The following NCMAP variants were observed in gnomAD, a reference collection of about 807,000 sequenced individuals.
NCMAP encodes noncompact myelin-associated protein.
Under a neutral mutation model 7.8 loss-of-function variants are expected in NCMAP, and 8 were observed. The ratio of observed to expected loss-of-function variants is 1.02; its 90% CI spans 0.60 to 1.84. The LOEUF (loss-of-function observed/expected upper bound fraction) is 1.84, where lower values mean the gene tolerates loss of function less well. Among genes scored for constraint, NCMAP ranks in the 40% most tolerant of loss-of-function variants. NCMAP has a pLI of 0.00. For synonymous variants in NCMAP, 41 were observed against 52.9 expected, an observed-to-expected ratio of 0.78 and a Z score of 0.98; for missense variants, 112 against 131.4, an observed-to-expected ratio of 0.85 and a Z score of 0.72.
rs189293352 is a variant in NCMAP, at chr1:24,559,900, G to A, written c.-8+3731G>A. 2.2e-3 allele frequency among the ~76,000 whole-genome samples: 342 copies of A among 152,334 alleles called. 1 individual carries two copies. Among genetic ancestry groups the A allele is most frequent in the Non-Finnish European group, 3.7e-3 (249 of 68,034 alleles). ...TTTGTGGCCGGGCGCGGTGGCTCAC[G>A]CCTGTAATCCCAGCACTTTGGGAGG... On this transcript the variant is annotated intron_variant, in intron 1 of 3. Coordinates refer to ENST00000374392, the MANE Select transcript of NCMAP (RefSeq NM_001010980.5).
At chr1:24,577,188 A>C (rs537897396) in intron 1 of NCMAP, among the ~76,000 whole-genome samples, 5 of 152,114 alleles carry the variant, frequency 3.3e-5, no homozygotes, top group Non-Finnish European at 5.9e-5. Context: ...CACATGCTAA[A>C]ATTATAGAGC....
rs548105420 is a variant in NCMAP, at chr1:24,600,006, T to TA, written c.83-932dup. 3.8e-4 allele frequency among the ~76,000 whole-genome samples: 57 copies of TA among 151,794 alleles called. 1 individual carries two copies. In the East Asian group the frequency reaches 8.1e-3, roughly 22 times the overall value. On this transcript the variant is annotated intron_variant, in intron 2 of 3. Transcript: ENST00000374392. ...AAAAACTATAACGGGTATTTTTTTT[T>TA]AATTTTTTATACAGAGATAGAGTCT...
chr1:24,596,008 G>C (rs1386404746), intron 2 of NCMAP, among the ~76,000 whole-genome samples: 1 of 152,106 alleles, frequency 6.6e-6, no homozygotes, highest in East Asian at 1.9e-4. Context: ...TTGGCTGGGT[G>C]TGGTGGCTCA....
At chr1:24,597,602 AAAGAAAGAAAGAAAG>A (rs1396894470) in intron 2 of NCMAP, among the ~76,000 whole-genome samples, 1,141 of 99,590 alleles carry the variant, frequency 0.011, 78 homozygotes, top group African/African-American at 0.05. Context: ...AAGAAGAAAG[AAAGAAAGAAAGAAAG>A]AGAAAGAAAG....
intron 1 of NCMAP, among the ~76,000 whole-genome samples, chr1:24,577,012 C>T (rs1651582514): frequency 6.6e-6 from 1 of 152,096 alleles, no homozygotes; most frequent in African/African-American, 2.4e-5. Context: ...GTGGTGCATG[C>T]CTGTGATCCC....
intron 1 of NCMAP, among the ~76,000 whole-genome samples, chr1:24,592,271 GC>G (rs2148934590): frequency 6.6e-6 from 1 of 152,232 alleles, no homozygotes; most frequent in African/African-American, 2.4e-5. Context: ...TGTTTTTTGA[GC>G]CCCAGAATCA....
At chr1:24,579,311 T>C (rs1311428301) in intron 1 of NCMAP, among the ~76,000 whole-genome samples, 1 of 152,260 alleles carries the variant, frequency 6.6e-6, no homozygotes. Flanking sequence ...TTTCTTCTTC[T>C]CTGTGCATTG....
intron 1 of NCMAP, among the ~76,000 whole-genome samples, chr1:24,567,343 A>G (rs1651258541): frequency 6.6e-6 from 1 of 152,124 alleles, no homozygotes; most frequent in Admixed American, 6.5e-5. Flanking sequence ...TAACTAAGGT[A>G]CCTATGAGAT....
chr1:24,591,590 G>A (rs944905848), intron 1 of NCMAP, among the ~76,000 whole-genome samples: 3 of 152,184 alleles, frequency 2.0e-5, no homozygotes, highest in African/African-American at 7.2e-5. Context: ...TGAAGGCTAC[G>A]CTCTTTTTCT....
intron 1 of NCMAP, among the ~76,000 whole-genome samples, chr1:24,577,960 G>A (rs1305686775): frequency 6.6e-6 from 1 of 151,946 alleles, no homozygotes; most frequent in Non-Finnish European, 1.5e-5. Flanking sequence ...TAGAAAAGAG[G>A]TCTAAAAAAT....
intron 1 of NCMAP, among the ~76,000 whole-genome samples, chr1:24,567,446 C>A (rs975353484): frequency 1.3e-5 from 2 of 152,168 alleles, no homozygotes; most frequent in African/African-American, 4.8e-5. Context: ...ACATTATCAG[C>A]ACCCACTAGG....
chr1:24,565,426 G>A (rs2148925931), intron 1 of NCMAP, among the ~76,000 whole-genome samples: 1 of 152,242 alleles, frequency 6.6e-6, no homozygotes, highest in South Asian at 2.1e-4. Context: ...TCAACAAGGA[G>A]AGAGTGAGTC....
intron 3 of NCMAP, among the ~76,000 whole-genome samples, chr1:24,603,172 C>T (rs909253080): frequency 1.3e-5 from 2 of 152,154 alleles, no homozygotes; most frequent in African/African-American, 4.8e-5. Context: ...TAATCCTCAT[C>T]TAACAACCGC....
intron 1 of NCMAP, among the ~76,000 whole-genome samples, chr1:24,573,281 G>A (rs572838715): frequency 1.3e-5 from 2 of 150,922 alleles, no homozygotes; most frequent in South Asian, 2.1e-4. Flanking sequence ...TGTCTATGAT[G>A]GTTAATTTTA....
chr1:24,571,728 G>A (rs1651394746), intron 1 of NCMAP, among the ~76,000 whole-genome samples: 1 of 149,850 alleles, frequency 6.7e-6, no homozygotes, highest in South Asian at 2.1e-4. Flanking sequence ...TGGGATTACA[G>A]GTGTGCGCCA....
At chr1:24,585,273 G>A (rs1013019196) in intron 1 of NCMAP, among the ~76,000 whole-genome samples, 1 of 152,128 alleles carries the variant, frequency 6.6e-6, no homozygotes, top group Non-Finnish European at 1.5e-5. Context: ...CGGCTCGGGT[G>A]ACTATGTACC....
intron 1 of NCMAP, among the ~76,000 whole-genome samples, chr1:24,583,263 C>T (rs1382203588): frequency 2.0e-5 from 3 of 152,200 alleles, no homozygotes; most frequent in South Asian, 2.1e-4. Flanking sequence ...AAGGATGCTG[C>T]GATGGTGCTG....
intron 2 of NCMAP, among the ~76,000 whole-genome samples, chr1:24,596,937 G>A (rs555233251): frequency 6.6e-6 from 1 of 152,164 alleles, no homozygotes; most frequent in South Asian, 2.1e-4. Context: ...ATATACCCCT[G>A]GGCATGGGAC....
Position 24,606,959 on chromosome 1 carries a change from T to C in NCMAP, c.*1212T>C, listed in dbSNP as rs1300435771. 1 of 152,138 alleles carries C rather than the reference T, an allele frequency of 6.6e-6. No individual in the cohort carries two copies. Among genetic ancestry groups the C allele is most frequent in the African/African-American group, 2.4e-5 (1 of 41,350 alleles). The allele number at this position is 152,138 out of a possible 1,614,324, so 9.4% of individuals were successfully genotyped here. A position where few individuals can be genotyped will look rare whatever the true frequency, so the allele number is the denominator to read the frequency against. ...TGGCACCCAGGAGATGCTTAATAAATGGGAACCAGGATTCTTTTTCTTTTC... is the reference window on the plus strand; with the variant it reads ...TGGCACCCAGGAGATGCTTAATAAACGGGAACCAGGATTCTTTTTCTTTTC... On this transcript the variant is annotated 3_prime_UTR_variant, in exon 4 of 4. Transcript: ENST00000374392.
Sources: gnomAD v4.1 joint callset for allele counts (sites outside exome capture counted in the v4.1 genomes callset) on GRCh38, gnomAD v4.1.1 for gene constraint, MANE v1.5 for transcripts, NCBI Gene and HGNC (gene_info 2026-07-23, HGNC 2026-07-21) for gene names.